Variants in HDAC9 observed in about 807,000 individuals in gnomAD.
HDAC9 encodes MEF-2 interacting transcription repressor (MITR) protein.
A neutral mutation model predicts 139.4 loss-of-function variants in HDAC9; 41 were observed. The observed-to-expected ratio is 0.29, with a 90% confidence interval of 0.23 to 0.38. HDAC9 has a LOEUF of 0.38. HDAC9 is among the 10% of genes least tolerant of loss of function. The pLI, the probability that HDAC9 is intolerant of heterozygous loss-of-function variation, is 1.00. For synonymous variants in HDAC9, 517 were observed against 476.2 expected (o/e 1.09, Z -1.12); for missense variants, 1,147 against 1,297.0 (o/e 0.88, Z 1.78).
At chr7:18,979,296 A>G (rs1784746149) in intron 25 of HDAC9, among the ~76,000 whole-genome samples, 1 of 152,070 alleles carries the variant, frequency 6.6e-6, no homozygotes, top group Non-Finnish European at 1.5e-5. Flanking sequence ...CAAAAACCCC[A>G]TTTTCCTGAA....
intron 2 of HDAC9, among the ~76,000 whole-genome samples, chr7:18,579,978 A>G (rs558942947): frequency 6.6e-6 from 1 of 152,218 alleles, no homozygotes; most frequent in Non-Finnish European, 1.5e-5. Flanking sequence ...CAGCTGATAA[A>G]GTAGCAACGA....
intron 1 of HDAC9, among the ~76,000 whole-genome samples, chr7:18,161,496 T>G (rs1787625681): frequency 6.6e-6 from 1 of 152,208 alleles, no homozygotes; most frequent in Admixed American, 6.5e-5. Context: ...AAGCTGCTGC[T>G]TTTTTCTTAA....
intron 14 of HDAC9, among the ~76,000 whole-genome samples, chr7:18,754,233 C>A (rs993045809): frequency 6.6e-6 from 1 of 152,044 alleles, no homozygotes; most frequent in Non-Finnish European, 1.5e-5. Flanking sequence ...AAACCAGCAG[C>A]TTTCTTATCA....
intron 1 of HDAC9, among the ~76,000 whole-genome samples, chr7:18,120,932 C>A (rs1223110723): frequency 6.6e-6 from 1 of 152,118 alleles, no homozygotes; most frequent in Admixed American, 6.6e-5. Context: ...TACTTCCACA[C>A]TGGCAGTAAG....
chr7:18,811,483 C>G (rs1418557155), intron 17 of HDAC9, among the ~76,000 whole-genome samples: 3 of 151,510 alleles, frequency 2.0e-5, no homozygotes, highest in Non-Finnish European at 4.4e-5. Context: ...TCTTTTTTGA[C>G]ACGTGAGTTA....
At position 18,585,203 on chromosome 7, in the gene HDAC9, G is replaced by A; in HGVS notation, c.23-78G>A. 2.1e-5 allele frequency: 31 copies of A among 1,509,528 alleles called. 1 individual carries two copies. The South Asian group carries it at 3.7e-4, about 18-fold the overall frequency. The allele number at this position is 1,509,528 out of a possible 1,614,324, so 93.5% of individuals were successfully genotyped here. ...GTACAGGGTCTTATACTTTTTATTT[G>A]TTTCCAAATCAATGTGCTAATTTCC... On this transcript the variant is annotated intron_variant, in intron 2 of 25. Transcript: ENST00000686413.
intron 2 of HDAC9, among the ~76,000 whole-genome samples, chr7:18,569,313 CT>C (rs1357277757): frequency 6.6e-6 from 1 of 152,044 alleles, no homozygotes; most frequent in African/African-American, 2.4e-5. Flanking sequence ...AAATATTTTC[CT>C]TTAAAAAATT....
intron 1 of HDAC9, among the ~76,000 whole-genome samples, chr7:18,321,418 G>A (rs1471332831): frequency 6.6e-6 from 1 of 152,178 alleles, no homozygotes; most frequent in Non-Finnish European, 1.5e-5. Flanking sequence ...GTGAGCTAGA[G>A]AATGGTCATA....
chr7:18,333,415 C>G (rs571262870), intron 1 of HDAC9, among the ~76,000 whole-genome samples: 1 of 151,578 alleles, frequency 6.6e-6, no homozygotes, highest in African/African-American at 2.4e-5. Context: ...GCTCTTGTCA[C>G]ACACAAATAG....
intron 1 of HDAC9, among the ~76,000 whole-genome samples, chr7:18,460,036 C>T (rs1292298422): frequency 3.3e-5 from 5 of 151,456 alleles, no homozygotes; most frequent in Non-Finnish European, 7.4e-5. Flanking sequence ...CTTCCCACCT[C>T]AGCCTCTTGG....
chr7:18,422,935 A>G (rs1253069452), intron 1 of HDAC9, among the ~76,000 whole-genome samples: 3 of 152,176 alleles, frequency 2.0e-5, no homozygotes, highest in African/African-American at 7.2e-5. Context: ...TTTCAATCTC[A>G]TAGTCCAAGG....
At chr7:18,736,515 C>T (rs907510655) in intron 13 of HDAC9, among the ~76,000 whole-genome samples, 1 of 151,950 alleles carries the variant, frequency 6.6e-6, no homozygotes, top group African/African-American at 2.4e-5. Flanking sequence ...TTGTTGGTTC[C>T]ATTTATGTGA....
chr7:18,375,271 A>G (rs1358652085), intron 1 of HDAC9, among the ~76,000 whole-genome samples: 1 of 152,144 alleles, frequency 6.6e-6, no homozygotes, highest in Non-Finnish European at 1.5e-5. Context: ...GGAGTTTGAG[A>G]CCAGCCTGAC....
chr7:18,210,805 A>T (rs926218845), intron 2 of HDAC9, among the ~76,000 whole-genome samples: 1 of 152,220 alleles, frequency 6.6e-6, no homozygotes, highest in Admixed American at 6.5e-5. Context: ...CCTTTTATTT[A>T]TAGCCAAGTT....
intron 12 of HDAC9, among the ~76,000 whole-genome samples, chr7:18,713,804 A>C (rs142754738): frequency 6.6e-6 from 1 of 152,194 alleles, no homozygotes; most frequent in African/African-American, 2.4e-5. Context: ...GTGACTAGTC[A>C]TAACTGATGA....
Position 18,727,724 on chromosome 7 carries a change from A to G in HDAC9, c.1876A>G (p.Met626Val), listed in dbSNP as rs1203020437. Residue 626 changes from methionine to valine, a missense_variant, in exon 13 of 26, where the codon ATG (methionine) becomes GTG (valine). This residue lies in a region of HDAC9 where 256 missense variants were observed against 219.2 expected (regional missense o/e 1.17). Coordinates refer to ENST00000686413, the MANE Select transcript of HDAC9 (RefSeq NM_178425.4). ...TGCCTCTGTTTTACCTCACCCAGCA[A>G]TGGACCGCCCCCTCCAGCCTGGCTC... Reference protein sequence around the residue: ...PAASVLPHPAMDRPLQPGSAT... With the variant: ...PAASVLPHPAVDRPLQPGSAT... The G allele has an allele frequency of 1.9e-6, 3 of 1,566,070 alleles. No individual in the cohort carries two copies. The African/African-American group carries it at 4.2e-5, about 22-fold the overall frequency.
chr7:18,531,913 T>C (rs888062711), intron 2 of HDAC9, among the ~76,000 whole-genome samples: 2 of 152,174 alleles, frequency 1.3e-5, no homozygotes, highest in African/African-American at 4.8e-5. Context: ...GGAAAAAAAT[T>C]GTCAAATACA....
chr7:18,255,507 A>C (rs1312121417), intron 2 of HDAC9, among the ~76,000 whole-genome samples: 1 of 152,184 alleles, frequency 6.6e-6, no homozygotes, highest in African/African-American at 2.4e-5. Context: ...AGAATATTGG[A>C]AAATTATTCA....
rs547631264 is a variant in HDAC9 at position 18,672,835 on chromosome 7, A to G, written c.1731+6359A>G. Among the ~76,000 whole-genome samples, 5 of 152,002 alleles carry G rather than the reference A, an allele frequency of 3.3e-5. No individual in the cohort carries two copies. In the South Asian group the frequency reaches 1.0e-3, roughly 32 times the overall value. On this transcript the variant is annotated intron_variant, in intron 12 of 25. Transcript: ENST00000686413. ...CTCATACTTTATCTTCATTTTCCTT[A>G]TTATATGAGTTGATGCAAAAGTAAT...
Sources: gnomAD v4.1 joint callset for allele counts (sites outside exome capture counted in the v4.1 genomes callset) on GRCh38, gnomAD v4.1.1 for gene constraint, gnomAD v4.1.1 regional missense constraint, MANE v1.5 for transcripts, NCBI Gene and HGNC (gene_info 2026-07-23, HGNC 2026-07-21) for gene names.